SPON1: variants seen among roughly 807,000 people sequenced by gnomAD.
The protein encoded by SPON1 is spondin 1.
Under a neutral mutation model 111.7 loss-of-function variants are expected in SPON1, and 52 were observed. The ratio of observed to expected loss-of-function variants is 0.47; its 90% CI spans 0.37 to 0.59. The LOEUF is 0.59. SPON1 is among the 20% of genes least tolerant of loss of function. The pLI is 0.00. For missense variants in SPON1, 957 were observed against 1,068.5 expected (o/e 0.90, Z 1.46); for synonymous variants, 410 against 395.8 (o/e 1.04, Z -0.43).
At chr11:14,218,586 G>A (rs1554937327) in intron 6 of SPON1, among the ~76,000 whole-genome samples, 1 of 151,046 alleles carries the variant, frequency 6.6e-6, no homozygotes. Flanking sequence ...ATTTGTTCCT[G>A]GAGCATTCAG....
chr11:14,096,530 A>C (rs1849102524), intron 5 of SPON1, among the ~76,000 whole-genome samples: 1 of 152,146 alleles, frequency 6.6e-6, no homozygotes, highest in Admixed American at 6.5e-5. Context: ...AGGACAGAGG[A>C]AAGTGAGGTC....
At chr11:14,142,790 G>A (rs1847671427) in intron 6 of SPON1, among the ~76,000 whole-genome samples, 1 of 152,158 alleles carries the variant, frequency 6.6e-6, no homozygotes, top group Non-Finnish European at 1.5e-5. Flanking sequence ...ACTAACTTAA[G>A]AACAAAGGAA....
intron 5 of SPON1, among the ~76,000 whole-genome samples, chr11:14,101,462 G>A (rs1276706710): frequency 6.6e-6 from 1 of 151,888 alleles, no homozygotes; most frequent in Non-Finnish European, 1.5e-5. Flanking sequence ...TATTCTATGG[G>A]TCCTTTAAAT....
chr11:14,039,572 A>G (rs1183612397), intron 2 of SPON1, among the ~76,000 whole-genome samples: 2 of 152,158 alleles, frequency 1.3e-5, no homozygotes, highest in East Asian at 3.8e-4. Flanking sequence ...TCCCTACTCT[A>G]TCATATTAAA....
Position 14,098,628 on chromosome 11 carries a change from C to T in SPON1, c.676+18607C>T, listed in dbSNP as rs76368985. On this transcript the variant is annotated intron_variant, in intron 5 of 15. Transcript: ENST00000576479. ...CCAGTTCATAGAGCAAATCTGTGGT[C>T]GAGCTGGTGCGTGATATGAAAGGCA... Among the ~76,000 whole-genome samples, 20 of 145,948 alleles carry T rather than the reference C, an allele frequency of 1.4e-4. No homozygotes were observed. The East Asian group carries it at 4.0e-3, about 29-fold the overall frequency.
At chr11:14,173,734 G>C (rs1351006901) in intron 6 of SPON1, among the ~76,000 whole-genome samples, 1 of 152,158 alleles carries the variant, frequency 6.6e-6, no homozygotes, top group African/African-American at 2.4e-5. Context: ...CTGCAGGTCT[G>C]TTGGAGTTTG....
At chr11:14,229,915 C>CATGT (rs1848777817) in intron 6 of SPON1, among the ~76,000 whole-genome samples, 1 of 150,042 alleles carries the variant, frequency 6.7e-6, no homozygotes, top group Non-Finnish European at 1.5e-5. Context: ...GAGAGGCCAG[C>CATGT]CTGTGTGTGT....
At chr11:14,046,564 T>G (rs74351268) in intron 3 of SPON1, among the ~76,000 whole-genome samples, 1,685 of 152,338 alleles carry the variant, frequency 0.011, 32 homozygotes, top group African/African-American at 0.039. Context: ...GTCTGGTCTG[T>G]TCTGTTGATC....
chr11:14,040,634 A>G (rs374411720), intron 2 of SPON1, among the ~76,000 whole-genome samples: 79 of 152,320 alleles, frequency 5.2e-4, no homozygotes, highest in African/African-American at 1.9e-3. Context: ...AATAAATACA[A>G]TATAGGTATA....
rs782539305 is a variant in SPON1, at chr11:13,963,108, C to A, written c.204C>A (p.Asp68Glu). The A allele has an allele frequency of 2.0e-5, 31 of 1,538,072 alleles. No individual in the cohort carries two copies. In the Admixed American group the frequency reaches 5.0e-4, roughly 25 times the overall value. Residue 68 changes from aspartate to glutamate, a missense_variant, in exon 1 of 16, where the codon GAC (aspartate) becomes GAA (glutamate). This residue lies in a region of SPON1 where 262 missense variants were observed against 253.9 expected (regional missense o/e 1.03). Coordinates refer to ENST00000576479, the MANE Select transcript of SPON1 (RefSeq NM_006108.4). ...AGTTCAGCCTCCGCGTGGAGGGCGACCCCGACTTCTACAAGCCGGGAACCA... is the reference window on the plus strand; with the variant it reads ...AGTTCAGCCTCCGCGTGGAGGGCGAACCCGACTTCTACAAGCCGGGAACCA... Reference protein sequence around the residue: ...YTEFSLRVEGDPDFYKPGTSY... With the variant: ...YTEFSLRVEGEPDFYKPGTSY...
intron 6 of SPON1, among the ~76,000 whole-genome samples, chr11:14,146,245 G>A (rs558686123): frequency 4.1e-4 from 62 of 150,936 alleles, no homozygotes; most frequent in Non-Finnish European, 6.2e-4. Context: ...CATCTCTCAG[G>A]TTCAAGCAAT....
intron 2 of SPON1, among the ~76,000 whole-genome samples, chr11:13,985,097 G>T (rs1453754085): frequency 6.6e-6 from 1 of 152,184 alleles, no homozygotes; most frequent in African/African-American, 2.4e-5. Flanking sequence ...TGAGGGCAGG[G>T]CCCTCACAAC....
chr11:14,115,938 T>C (rs1554925937), intron 5 of SPON1, among the ~76,000 whole-genome samples: 1 of 152,242 alleles, frequency 6.6e-6, no homozygotes, highest in Admixed American at 6.5e-5. Context: ...GTTTTGTTTT[T>C]CCACTTTAAC....
intron 6 of SPON1, among the ~76,000 whole-genome samples, chr11:14,186,857 T>C (rs1420581296): frequency 6.6e-6 from 1 of 152,234 alleles, no homozygotes; most frequent in African/African-American, 2.4e-5. Flanking sequence ...AGTAATCCTG[T>C]GAAGTGAAAT....
intron 6 of SPON1, among the ~76,000 whole-genome samples, chr11:14,204,514 C>T (rs1414904988): frequency 6.6e-6 from 1 of 152,048 alleles, no homozygotes; most frequent in South Asian, 2.1e-4. Context: ...TCTCAAACTC[C>T]TGGGCTCAAG....
intron 3 of SPON1, among the ~76,000 whole-genome samples, chr11:14,073,987 A>C (rs1239095635): frequency 6.6e-6 from 1 of 152,212 alleles, no homozygotes; most frequent in Non-Finnish European, 1.5e-5. Context: ...TCCCCTCCAC[A>C]GAGGTCCTGG....
At chr11:13,979,229 T>C (rs900809866) in intron 1 of SPON1, among the ~76,000 whole-genome samples, 24 of 152,192 alleles carry the variant, frequency 1.6e-4, no homozygotes, top group African/African-American at 5.5e-4. Flanking sequence ...TGCATGGCTC[T>C]AATATCTGCC....
At chr11:14,258,525 T>G (rs782587543) in intron 11 of SPON1, among the ~76,000 whole-genome samples, 3 of 152,230 alleles carry the variant, frequency 2.0e-5, no homozygotes, top group Non-Finnish European at 4.4e-5. Context: ...CTGATAGATC[T>G]ACGCTATTCT....
intron 2 of SPON1, among the ~76,000 whole-genome samples, chr11:14,010,277 G>T (rs782123653): frequency 2.6e-4 from 39 of 152,132 alleles, no homozygotes; most frequent in Non-Finnish European, 5.3e-4. Flanking sequence ...GACTTAGGTG[G>T]TTGGCAACCC....
Sources: gnomAD v4.1 joint callset for allele counts (sites outside exome capture counted in the v4.1 genomes callset) on GRCh38, gnomAD v4.1.1 for gene constraint, gnomAD v4.1.1 regional missense constraint, MANE v1.5 for transcripts, NCBI Gene and HGNC (gene_info 2026-07-23, HGNC 2026-07-21) for gene names.